The following TYR variants were observed in gnomAD, a reference collection of about 807,000 sequenced individuals.
TYR encodes the protein tyrosinase, also known as LB24-AB.
TYR carries 58 observed loss-of-function variants against 51.5 expected under a neutral mutation model. The ratio of observed to expected loss-of-function variants is 1.13; its 90% confidence interval spans 0.91 to 1.40. TYR has a LOEUF of 1.40. Among genes scored for constraint, TYR ranks in the 40% most tolerant of loss-of-function variants. The pLI, the probability that TYR is intolerant of heterozygous loss-of-function variation, is 0.00. For synonymous variants in TYR, 263 were observed against 235.2 expected, an observed-to-expected ratio of 1.12 and a Z score of -1.08; for missense variants, 732 against 647.4, an observed-to-expected ratio of 1.13 and a Z score of -1.42.
At chr11:89,250,937 C>A (rs1230271956) in intron 3 of TYR, among the ~76,000 whole-genome samples, 3 of 151,716 alleles carry the variant, frequency 2.0e-5, no homozygotes, top group Non-Finnish European at 2.9e-5. Context: ...TCAGACCTAG[C>A]TTTTAAAATT....
intron 2 of TYR, among the ~76,000 whole-genome samples, chr11:89,224,479 A>G (rs948016476): frequency 2.6e-5 from 4 of 152,194 alleles, no homozygotes; most frequent in African/African-American, 9.6e-5. Flanking sequence ...CAGTATCTTC[A>G]AAGTGGCATA....
intron 2 of TYR, among the ~76,000 whole-genome samples, chr11:89,196,818 C>T (rs1943525662): frequency 6.6e-6 from 1 of 152,142 alleles, no homozygotes; most frequent in Non-Finnish European, 1.5e-5. Flanking sequence ...CAAGGGAAAA[C>T]ATGAAGTTCT....
intron 2 of TYR, among the ~76,000 whole-genome samples, chr11:89,225,835 CTAGAA>C (rs2135280386): frequency 6.6e-6 from 1 of 151,724 alleles, no homozygotes; most frequent in East Asian, 1.9e-4. Context: ...TTTTAAATAG[CTAGAA>C]TAGAAGATTT....
intron 2 of TYR, among the ~76,000 whole-genome samples, chr11:89,217,917 T>C (rs564848133): frequency 1.3e-5 from 2 of 152,348 alleles, no homozygotes; most frequent in East Asian, 3.9e-4. Context: ...CCCCATGGTA[T>C]TTCCCAAAAA....
At chr11:89,192,907 G>C (rs904542438) in intron 2 of TYR, among the ~76,000 whole-genome samples, 1 of 152,094 alleles carries the variant, frequency 6.6e-6, no homozygotes, top group East Asian at 1.9e-4. Flanking sequence ...GAAAAGTGGT[G>C]GAGATAATCT....
rs2134299 is a variant in TYR, at chr11:89,271,729, A to C, written c.1185-13044A>C. On this transcript the variant is annotated intron_variant, in intron 3 of 4. Coordinates refer to ENST00000263321, the MANE Select transcript of TYR (RefSeq NM_000372.5). ...TGCTGTTTGATAGCATTTTGCCTAC[A>C]GTAGAACTTCTTGCAAATATGGAGT... Among the ~76,000 whole-genome samples the C allele has an allele frequency of 4.5e-3, 682 of 152,064 alleles. 7 individuals carry two copies. Among genetic ancestry groups the C allele is most frequent in the African/African-American group, 0.016 (654 of 41,554 alleles).
intron 2 of TYR, among the ~76,000 whole-genome samples, chr11:89,216,863 T>C (rs906975652): frequency 6.6e-6 from 1 of 152,126 alleles, no homozygotes; most frequent in Admixed American, 6.5e-5. Flanking sequence ...GTATGACTAT[T>C]TTTCTTTAAA....
chr11:89,210,183 G>C (rs559484597), intron 2 of TYR, among the ~76,000 whole-genome samples: 1 of 152,118 alleles, frequency 6.6e-6, no homozygotes, highest in East Asian at 1.9e-4. Context: ...AGCTAAAAGG[G>C]GATGTTTAAA....
At chr11:89,226,320 A>G (rs953285003) in intron 2 of TYR, among the ~76,000 whole-genome samples, 16 of 152,112 alleles carry the variant, frequency 1.1e-4, no homozygotes, top group African/African-American at 3.9e-4. Flanking sequence ...CTTTCTTTCC[A>G]TTTCTATAAT....
chr11:89,190,053 G>C (rs985460633), intron 1 of TYR, among the ~76,000 whole-genome samples: 2 of 152,042 alleles, frequency 1.3e-5, no homozygotes, highest in African/African-American at 4.8e-5. Flanking sequence ...AATCCCACTT[G>C]TATAAAAGTC....
At chr11:89,240,330 C>T (rs773622731) in intron 3 of TYR, among the ~76,000 whole-genome samples, 2 of 151,938 alleles carry the variant, frequency 1.3e-5, no homozygotes, top group Non-Finnish European at 2.9e-5. Flanking sequence ...TATCCTATCA[C>T]CTAAAAAATA....
intron 3 of TYR, among the ~76,000 whole-genome samples, chr11:89,273,045 T>G (rs539870198): frequency 2.0e-5 from 3 of 152,032 alleles, no homozygotes; most frequent in East Asian, 3.9e-4. Context: ...CTGTTTCACT[T>G]TCTTATCATT....
intron 2 of TYR, among the ~76,000 whole-genome samples, chr11:89,204,901 G>A (rs1565396903): frequency 1.3e-5 from 2 of 151,214 alleles, no homozygotes; most frequent in African/African-American, 4.9e-5. Context: ...ATAGGTTGAA[G>A]CAAAAGTAAT....
chr11:89,251,699 A>G (rs1944332425), intron 3 of TYR, among the ~76,000 whole-genome samples: 1 of 151,858 alleles, frequency 6.6e-6, no homozygotes, highest in Non-Finnish European at 1.5e-5. Context: ...CCTGTACGTC[A>G]GGTAAAAAAA....
At chr11:89,226,016 A>G (rs1473895506) in intron 2 of TYR, among the ~76,000 whole-genome samples, 4 of 151,922 alleles carry the variant, frequency 2.6e-5, no homozygotes, top group Non-Finnish European at 4.4e-5. Context: ...AACTTTAAAA[A>G]TTCTTTTAAA....
chr11:89,193,426 C>A (rs1943473569), intron 2 of TYR, among the ~76,000 whole-genome samples: 2 of 152,040 alleles, frequency 1.3e-5, no homozygotes, highest in Non-Finnish European at 2.9e-5. Context: ...AGATTTACTA[C>A]AAATAATTTG....
rs369118714 is a variant in TYR at position 89,206,621 on chromosome 11, C to T, written c.1036+15203C>T. Among the ~76,000 whole-genome samples, 7 of 151,920 alleles carry T rather than the reference C, an allele frequency of 4.6e-5. No individual in the cohort carries two copies. In the East Asian group the frequency reaches 1.2e-3, roughly 25 times the overall value. ...TGATAAAGAACTTAACACCATCAGC[C>T]AGAAGAATCTAATCAACATTGATAG... On this transcript the variant is annotated intron_variant, in intron 2 of 4. Transcript: ENST00000263321.
chr11:89,228,776 G>T (rs1008153789), intron 3 of TYR, among the ~76,000 whole-genome samples: 1 of 151,974 alleles, frequency 6.6e-6, no homozygotes, highest in African/African-American at 2.4e-5. Context: ...CATTACATTT[G>T]TAATGTCTTA....
At chr11:89,260,876 A>C (rs1444531740) in intron 3 of TYR, among the ~76,000 whole-genome samples, 1 of 152,124 alleles carries the variant, frequency 6.6e-6, no homozygotes, top group East Asian at 1.9e-4. Context: ...GAACCAGGCC[A>C]CACAGCAGGA....
Sources: gnomAD v4.1 joint callset for allele counts (sites outside exome capture counted in the v4.1 genomes callset) on GRCh38, gnomAD v4.1.1 for gene constraint, MANE v1.5 for transcripts, NCBI Gene and HGNC (gene_info 2026-07-23, HGNC 2026-07-21) for gene names.